Variants in BRINP3 observed in about 807,000 individuals in gnomAD.
The protein encoded by BRINP3 is BMP/retinoic acid-inducible neural-specific protein 3.
BRINP3 carries 19 observed loss-of-function variants against 71.0 expected under a neutral mutation model. The observed-to-expected ratio is 0.27, with a 90% CI of 0.19 to 0.39. BRINP3 has a LOEUF of 0.39. Among genes scored for constraint, BRINP3 ranks in the 10% least tolerant of loss-of-function variants. BRINP3 has a pLI of 1.00. For synonymous variants in BRINP3, 380 were observed against 337.7 expected (o/e 1.13, Z -1.37); for missense variants, 959 against 940.8 (o/e 1.02, Z -0.25).
chr1:190,141,919 A>G (rs1655485092), intron 7 of BRINP3, among the ~76,000 whole-genome samples: 1 of 152,086 alleles, frequency 6.6e-6, no homozygotes, highest in Non-Finnish European at 1.5e-5. Flanking sequence ...TGTACATCCC[A>G]AGTAGTTAAT....
intron 6 of BRINP3, among the ~76,000 whole-genome samples, chr1:190,222,572 C>CA (rs553801721): frequency 6.6e-6 from 1 of 150,494 alleles, no homozygotes; most frequent in Non-Finnish European, 1.5e-5. Context: ...AAAGTTGAGA[C>CA]AAAAAAATAC....
chr1:190,430,803 A>G (rs543489600), intron 2 of BRINP3, among the ~76,000 whole-genome samples: 1 of 152,314 alleles, frequency 6.6e-6, no homozygotes, highest in East Asian at 1.9e-4. Context: ...AGCTTTATGA[A>G]GCAAGGAATC....
intron 4 of BRINP3, 48 bp downstream of exon 4, chr1:190,264,817 G>A: frequency 6.5e-7 from 1 of 1,537,532 alleles, no homozygotes; most frequent in African/African-American, 1.4e-5. Flanking sequence ...TGGATATAGA[G>A]GAAACAAACA....
chr1:190,454,609 C>T, intron 2 of BRINP3, 46 bp downstream of exon 2: 2 of 1,516,538 alleles, frequency 1.3e-6, no homozygotes, highest in Non-Finnish European at 1.8e-6. Context: ...GTATACACAA[C>T]CTTCAAGGAT....
At chr1:190,420,979 C>A (rs984472288) in intron 2 of BRINP3, among the ~76,000 whole-genome samples, 3 of 151,640 alleles carry the variant, frequency 2.0e-5, no homozygotes, top group African/African-American at 7.3e-5. Context: ...GTTTCTTGAC[C>A]CTATGACTTT....
intron 2 of BRINP3, among the ~76,000 whole-genome samples, chr1:190,400,417 GAA>G (rs200280064): frequency 6.6e-6 from 1 of 152,052 alleles, no homozygotes; most frequent in Admixed American, 6.6e-5. Flanking sequence ...ATGTAGTAAA[GAA>G]AAAAAGTTAC....
chr1:190,400,528 C>T (rs1671853535), intron 2 of BRINP3, among the ~76,000 whole-genome samples: 1 of 152,110 alleles, frequency 6.6e-6, no homozygotes, highest in Admixed American at 6.5e-5. Context: ...TGCTTTTAGT[C>T]AGCGTGAGGT....
chr1:190,427,693 G>A lies in BRINP3; in HGVS notation c.236+26962C>T, dbSNP rs1360024071. Among the ~76,000 whole-genome samples the A allele has an allele frequency of 2.0e-5, 3 of 151,960 alleles. No individual in the cohort carries two copies. The East Asian group carries it at 5.8e-4, about 29-fold the overall frequency. ...GGAGTGCAGCCTTCTGACCTATTTA[G>A]ATGCCTGGTCTTCAAAACAGTAAAA... is the stretch of plus-strand genomic sequence containing the variant. On this transcript the variant is annotated intron_variant, in intron 2 of 7. Coordinates refer to ENST00000367462, the MANE Select transcript of BRINP3 (RefSeq NM_199051.3).
rs1039074591 is a variant in BRINP3, at chr1:190,299,863, A to ATT, written c.237-18114_237-18113insAA. Reference sequence around the variant, plus strand: ...GGGTTGAAAATTCTTTTCTTTAAGAATGTTGAATATTGGCCCCACTCTCTT... The same window carrying ATT: ...GGGTTGAAAATTCTTTTCTTTAAGAATTTGTTGAATATTGGCCCCACTCTCTT... On this transcript the variant is annotated intron_variant, in intron 2 of 7. Transcript: ENST00000367462. Among the ~76,000 whole-genome samples, 550 of 152,108 alleles carry ATT rather than the reference A, an allele frequency of 3.6e-3. 4 individuals carry two copies. The highest frequency in any genetic ancestry group is 0.013 in the African/African-American group (522 of 41,500).
intron 6 of BRINP3, among the ~76,000 whole-genome samples, chr1:190,196,119 C>T (rs1654454772): frequency 6.6e-6 from 1 of 152,114 alleles, no homozygotes; most frequent in Non-Finnish European, 1.5e-5. Flanking sequence ...GTTTCTATCA[C>T]TATAAAGCAG....
intron 4 of BRINP3, among the ~76,000 whole-genome samples, chr1:190,261,828 T>A (rs905061826): frequency 1.3e-5 from 2 of 152,294 alleles, no homozygotes; most frequent in African/African-American, 4.8e-5. Context: ...ATTGAACCTT[T>A]AGGTATTTAG....
At position 190,476,878 on chromosome 1, in the gene BRINP3, C is replaced by T. The variant is rs146392894; in HGVS notation, c.-51+570G>A. Reference sequence around the variant, plus strand: ...TTTTAAGAAAAAAAAATGGTGCCCTCAAAACTCACAGTCCTCTTCCTACCA... The same window carrying T: ...TTTTAAGAAAAAAAAATGGTGCCCTTAAAACTCACAGTCCTCTTCCTACCA... On this transcript the variant is annotated intron_variant, in intron 1 of 7. Coordinates refer to ENST00000367462, the MANE Select transcript of BRINP3 (RefSeq NM_199051.3). Among the ~76,000 whole-genome samples, 786 of 152,274 alleles carry T rather than the reference C, an allele frequency of 5.2e-3. 3 individuals carry two copies. The highest frequency in any genetic ancestry group is 0.024 in the Middle Eastern group (7 of 294).
chr1:190,454,830 T>C lies in BRINP3; in HGVS notation c.61A>G (p.Ile21Val). 1.2e-6 allele frequency: 2 copies of C among 1,614,182 alleles called. No homozygotes were observed. Among genetic ancestry groups the C allele is most frequent in the Non-Finnish European group, 1.7e-6 (2 of 1,180,040 alleles). ...ACCCAGCAATGAAGACTCAGTGCTA[T>C]CCACTCCCATAGAGCCATCAGAGAG... ...LFSLMALWEW[I>V]ALSLHCWVLA... is the part of the protein sequence containing the mutation. The change falls in exon 2 of 8, where the codon ATA (isoleucine) becomes GTA (valine). Residue 21 changes from isoleucine (I) to valine (V), a missense_variant. Ile to Val is a conservative substitution (Grantham distance 29, BLOSUM62 3). Coordinates refer to ENST00000367462, the MANE Select transcript of BRINP3 (RefSeq NM_199051.3).
At chr1:190,249,602 A>G (rs1307293765) in intron 4 of BRINP3, among the ~76,000 whole-genome samples, 2 of 151,918 alleles carry the variant, frequency 1.3e-5, no homozygotes, top group African/African-American at 2.4e-5. Context: ...TGATAATTTT[A>G]TAATTTCCAG....
chr1:190,435,267 T>C (rs961869794), intron 2 of BRINP3, among the ~76,000 whole-genome samples: 29 of 152,134 alleles, frequency 1.9e-4, no homozygotes, highest in African/African-American at 7.0e-4. Flanking sequence ...CCAGCCAGAA[T>C]GTGTGGAATA....
chr1:190,206,672 A>G (rs1034168024), intron 6 of BRINP3, among the ~76,000 whole-genome samples: 6 of 152,088 alleles, frequency 3.9e-5, no homozygotes, highest in African/African-American at 7.2e-5. Context: ...GAATAAAACC[A>G]TATCTGTTAA....
chr1:190,111,009 A>G (rs538793096), intron 7 of BRINP3, among the ~76,000 whole-genome samples: 2 of 151,920 alleles, frequency 1.3e-5, no homozygotes, highest in Admixed American at 1.3e-4. Context: ...CCCCGTCTCT[A>G]CTAAAAATAC....
chr1:190,460,648 C>T (rs1349397481), intron 1 of BRINP3, among the ~76,000 whole-genome samples: 2 of 152,092 alleles, frequency 1.3e-5, no homozygotes, highest in African/African-American at 4.8e-5. Context: ...AGGAACTTAC[C>T]GGTTTAGGAA....
At chr1:190,162,333 C>A (rs1651072206) in intron 6 of BRINP3, among the ~76,000 whole-genome samples, 1 of 151,754 alleles carries the variant, frequency 6.6e-6, no homozygotes. Flanking sequence ...ACAGTGCGTG[C>A]CACCAGGCCC....
Sources: gnomAD v4.1 joint callset for allele counts (sites outside exome capture counted in the v4.1 genomes callset) on GRCh38, gnomAD v4.1.1 for gene constraint, MANE v1.5 for transcripts, NCBI Gene and HGNC (gene_info 2026-07-23, HGNC 2026-07-21) for gene names.